ARHGAP26: variants seen among roughly 807,000 people sequenced by gnomAD.
The protein encoded by ARHGAP26 is rho GTPase-activating protein 26.
Under a neutral mutation model 104.8 loss-of-function variants are expected in ARHGAP26, and 38 were observed. The observed-to-expected ratio is 0.36, with a 90% CI of 0.28 to 0.48. The LOEUF is 0.48. Among genes scored for constraint, ARHGAP26 ranks in the 20% least tolerant of loss-of-function variants. The pLI, the probability that ARHGAP26 is intolerant of heterozygous loss-of-function variation, is 0.99. For missense variants in ARHGAP26, 704 were observed against 947.9 expected (o/e 0.74, Z 3.38); for synonymous variants, 341 against 340.0 (o/e 1.00, Z -0.03).
chr5:143,009,659 A>G (rs775695133), intron 11 of ARHGAP26, among the ~76,000 whole-genome samples: 5 of 152,258 alleles, frequency 3.3e-5, no homozygotes, highest in Non-Finnish European at 7.3e-5. Flanking sequence ...AAGTAAACAC[A>G]TGTAATTTCT....
At chr5:142,795,118 C>T (rs1428989437) in intron 1 of ARHGAP26, among the ~76,000 whole-genome samples, 2 of 152,054 alleles carry the variant, frequency 1.3e-5, no homozygotes, top group African/African-American at 2.4e-5. Context: ...GTCATACAAA[C>T]ACAAGGCAAC....
chr5:142,991,078 A>G (rs1429656755), intron 11 of ARHGAP26, among the ~76,000 whole-genome samples: 2 of 152,194 alleles, frequency 1.3e-5, no homozygotes, highest in Admixed American at 6.5e-5. Flanking sequence ...CTACAAAGGC[A>G]GGCAGGCATC....
chr5:142,942,751 C>A (rs1374982853), intron 11 of ARHGAP26, among the ~76,000 whole-genome samples: 1 of 152,084 alleles, frequency 6.6e-6, no homozygotes, highest in Non-Finnish European at 1.5e-5. Flanking sequence ...TGTCTGTCTG[C>A]CTGCTGGATT....
At chr5:142,808,236 G>GAAAA (rs58550799) in intron 1 of ARHGAP26, among the ~76,000 whole-genome samples, 1 of 32,672 alleles carries the variant, frequency 3.1e-5, no homozygotes, top group Admixed American at 4.4e-4. Flanking sequence ...CATTGTCTCG[G>GAAAA]AAAAAAAAAA....
At chr5:143,077,115 A>T (rs756045078) in intron 17 of ARHGAP26, among the ~76,000 whole-genome samples, 1 of 152,230 alleles carries the variant, frequency 6.6e-6, no homozygotes, top group Non-Finnish European at 1.5e-5. Flanking sequence ...CTAGATATGG[A>T]TACAGAATAC....
intron 22 of ARHGAP26, 74 bp from the exon 23 acceptor site, chr5:143,222,273 ACACACACACAC>A: frequency 1.8e-6 from 1 of 568,806 alleles, no homozygotes. Context: ...ACACACACAC[ACACACACACAC>A]CCCACACACA....
At chr5:143,216,402 T>A (rs1413378581) in intron 22 of ARHGAP26, 3 of 436,494 alleles carry the variant, frequency 6.9e-6, no homozygotes, top group African/African-American at 6.1e-5. Flanking sequence ...CTCTGAGAAT[T>A]ACTTACAAGG....
intron 20 of ARHGAP26, among the ~76,000 whole-genome samples, chr5:143,158,497 A>G (rs547992860): frequency 1.4e-4 from 22 of 152,256 alleles, no homozygotes; most frequent in African/African-American, 5.1e-4. Flanking sequence ...ATTTAGCCTC[A>G]GGAATTCCTC....
chr5:142,955,517 A>G (rs1769103274), intron 11 of ARHGAP26, among the ~76,000 whole-genome samples: 2 of 152,196 alleles, frequency 1.3e-5, no homozygotes, highest in Non-Finnish European at 2.9e-5. Context: ...AATCCAGTGA[A>G]TACTGTGGAC....
At chr5:142,884,334 G>A (rs1415503689) in intron 4 of ARHGAP26, among the ~76,000 whole-genome samples, 2 of 152,178 alleles carry the variant, frequency 1.3e-5, no homozygotes, top group African/African-American at 4.8e-5. Context: ...TTTCTTATCA[G>A]TCAAATGGGA....
chr5:143,187,867 C>CT (rs1487827701), intron 20 of ARHGAP26, among the ~76,000 whole-genome samples: 1 of 152,234 alleles, frequency 6.6e-6, no homozygotes, highest in Non-Finnish European at 1.5e-5. Context: ...GTTGCTATGT[C>CT]TTGCCTCAGC....
chr5:142,803,338 A>T (rs1004503349), intron 1 of ARHGAP26, among the ~76,000 whole-genome samples: 4 of 152,168 alleles, frequency 2.6e-5, no homozygotes, highest in Admixed American at 2.6e-4. Flanking sequence ...TGGCACCTCT[A>T]ATTTTGTCTC....
At chr5:142,878,473 G>C (rs1172542467) in intron 3 of ARHGAP26, among the ~76,000 whole-genome samples, 4 of 152,054 alleles carry the variant, frequency 2.6e-5, no homozygotes, top group Non-Finnish European at 5.9e-5. Context: ...ACTCTTCTTT[G>C]TTTTGGGGAT....
rs973692002 is a variant in ARHGAP26 at position 142,770,677 on chromosome 5, G to A, written c.-85G>A. The A allele has an allele frequency of 1.7e-5, 17 of 993,550 alleles. No homozygotes were observed. Among genetic ancestry groups the A allele is most frequent in the African/African-American group, 7.0e-5 (4 of 57,248 alleles). 61.5% of individuals were successfully genotyped at this position (993,550 alleles called of 1,614,324 possible). A position where few individuals can be genotyped will look rare whatever the true frequency, so the allele number is the denominator to read the frequency against. ...CCGGCGGCCGTCGGGGGAGCCGGCC[G>A]GGGTCCCGCCGCGTGAGTGCTCTGG... is the stretch of plus-strand genomic sequence containing the variant. On this transcript the variant is annotated 5_prime_UTR_variant, in exon 1 of 23. Coordinates refer to ENST00000645722, the MANE Select transcript of ARHGAP26 (RefSeq NM_001135608.3).
At chr5:143,050,871 T>C (rs1022908437) in intron 14 of ARHGAP26, among the ~76,000 whole-genome samples, 13 of 152,168 alleles carry the variant, frequency 8.5e-5, no homozygotes, top group Admixed American at 2.6e-4. Context: ...AACACAGAGA[T>C]GGAAGCTCAC....
In ARHGAP26 at chr5:142,951,055, C is replaced by T. The variant is rs188614080; in HGVS notation, c.1107+18930C>T. On this transcript the variant is annotated intron_variant, in intron 11 of 22. Transcript: ENST00000645722. ...CCTTTCCCTTTCCCTTCCCCTTCCC[C>T]TTCCCCCTCCCCTTCCCTTTCCGAG... Among the ~76,000 whole-genome samples, 51 of 141,850 alleles carry T rather than the reference C, an allele frequency of 3.6e-4. 2 individuals are homozygous for T. The East Asian group carries it at 9.8e-3, about 27-fold the overall frequency. 93.1% of individuals were successfully genotyped at this position (141,850 alleles called of 152,430 possible). A position where few individuals can be genotyped will look rare whatever the true frequency, so the allele number is the denominator to read the frequency against.
chr5:143,043,918 G>A (rs781081415), intron 14 of ARHGAP26, among the ~76,000 whole-genome samples: 4 of 152,156 alleles, frequency 2.6e-5, no homozygotes, highest in Admixed American at 6.5e-5. Context: ...TCTGAACAAA[G>A]GGTCTATGGT....
chr5:143,146,874 A>G (rs1799221355), intron 19 of ARHGAP26, among the ~76,000 whole-genome samples: 1 of 152,182 alleles, frequency 6.6e-6, no homozygotes, highest in Non-Finnish European at 1.5e-5. Context: ...GATCTGGGTG[A>G]ATGTGAGGGG....
chr5:143,201,743 T>A (rs987560791), intron 20 of ARHGAP26, among the ~76,000 whole-genome samples: 1 of 152,222 alleles, frequency 6.6e-6, no homozygotes. Context: ...TAAAATACAA[T>A]GTACTCTCTA....
Sources: gnomAD v4.1 joint callset for allele counts (sites outside exome capture counted in the v4.1 genomes callset) on GRCh38, gnomAD v4.1.1 for gene constraint, MANE v1.5 for transcripts, NCBI Gene and HGNC (gene_info 2026-07-23, HGNC 2026-07-21) for gene names.